ZNF138: variants seen among roughly 807,000 people sequenced by gnomAD.
ZNF138 encodes the protein zinc finger protein 138 (clone pHZ-32).
In ZNF138, 33 loss-of-function variants were observed where a neutral mutation model predicts 33.0. The observed-to-expected ratio is 1.00, with a 90% CI of 0.76 to 1.34. ZNF138 has a LOEUF of 1.34. ZNF138 is among the 40% of genes most tolerant of loss of function. The pLI is 0.00. For missense variants in ZNF138, 360 were observed against 370.8 expected, an observed-to-expected ratio of 0.97 and a Z score of 0.24; for synonymous variants, 139 against 120.4, an observed-to-expected ratio of 1.15 and a Z score of -1.01.
chr7:64,835,211 C>G (rs1276019926), downstream of ZNF138: 1 of 152,126 alleles, frequency 6.6e-6, no homozygotes, highest in Non-Finnish European at 1.5e-5. Context: ...TGATCGCCAT[C>G]TTGGAGTCTT....
At chr7:64,814,271 C>T (rs192955564) in intron 1 of ZNF138, 2 of 362,592 alleles carry the variant, frequency 5.5e-6, no homozygotes, top group Non-Finnish European at 4.2e-6. Context: ...TTTAACTCAA[C>T]GTGCCTTTTC....
At chr7:64,823,935 C>T (rs1284475694) in intron 3 of ZNF138, among the ~76,000 whole-genome samples, 1 of 152,016 alleles carries the variant, frequency 6.6e-6, no homozygotes, top group Non-Finnish European at 1.5e-5. Context: ...GAGACTCCAC[C>T]TCAAAAAAAT....
At chr7:64,836,569 G>A (rs1006145374), downstream of ZNF138, 3 of 152,270 alleles carry the variant, frequency 2.0e-5, no homozygotes, top group African/African-American at 7.2e-5. Flanking sequence ...CTAAGGGTCA[G>A]AGATTTGGAG....
At chr7:64,802,200 GT>G (rs201792773) in intron 1 of ZNF138, among the ~76,000 whole-genome samples, 2,186 of 152,304 alleles carry the variant, frequency 0.014, 54 homozygotes, top group African/African-American at 0.05. Flanking sequence ...TTGACAGTTG[GT>G]TGAGTATATC....
the ZNF138 span, chr7:64,853,347 G>A: frequency 2.6e-6 from 4 of 1,553,772 alleles, no homozygotes; most frequent in African/African-American, 4.1e-5. Flanking sequence ...GGACTCCCAT[G>A]TAGATATGGT....
chr7:64,799,739 G>A (rs1246220460), intron 1 of ZNF138, among the ~76,000 whole-genome samples: 1 of 152,014 alleles, frequency 6.6e-6, no homozygotes, highest in Non-Finnish European at 1.5e-5. Flanking sequence ...GACCTCCCGG[G>A]TTCAAACGAT....
chr7:64,818,694 G>A (rs140840866), intron 3 of ZNF138, among the ~76,000 whole-genome samples: 1,807 of 138,062 alleles, frequency 0.013, 41 homozygotes, highest in African/African-American at 0.043. Context: ...AGGTTGTGGT[G>A]AGCCGAGATC....
chr7:64,826,594 T>C (rs928626283), intron 3 of ZNF138, among the ~76,000 whole-genome samples: 1 of 151,972 alleles, frequency 6.6e-6, no homozygotes, highest in African/African-American at 2.4e-5. Flanking sequence ...ATTTTTTAAA[T>C]GTGTGTATTT....
At chr7:64,825,431 A>G (rs1044613373) in intron 3 of ZNF138, among the ~76,000 whole-genome samples, 1 of 151,684 alleles carries the variant, frequency 6.6e-6, no homozygotes, top group Non-Finnish European at 1.5e-5. Flanking sequence ...TTGGCCTCCC[A>G]AAGTGCTGGG....
At chr7:64,800,112 T>C (rs1406857167) in intron 1 of ZNF138, among the ~76,000 whole-genome samples, 1 of 152,170 alleles carries the variant, frequency 6.6e-6, no homozygotes, top group Non-Finnish European at 1.5e-5. Context: ...CTGTGGGTTC[T>C]CTAGATATAG....
At chr7:64,848,704 A>T in the ZNF138 span, among the ~76,000 whole-genome samples, 100 of 102,548 alleles carry the variant, frequency 9.8e-4, 1 homozygote, top group South Asian at 1.7e-3. Flanking sequence ...ATTTTGGTGG[A>T]TTTTTTTTTT....
At chr7:64,809,473 C>T (rs113991476) in intron 1 of ZNF138, among the ~76,000 whole-genome samples, 1 of 9,092 alleles carries the variant, frequency 1.1e-4, no homozygotes, top group African/African-American at 2.7e-4. Flanking sequence ...CCGGATGGGG[C>T]GGCTGGCCGG....
At chr7:64,814,854 T>G (rs1426911242) in intron 1 of ZNF138, 64 bp from the exon 2 acceptor site, 1 of 1,600,098 alleles carries the variant, frequency 6.2e-7, no homozygotes, top group African/African-American at 1.3e-5. Flanking sequence ...TGAGTCAAAT[T>G]TAAAATTCTG....
the ZNF138 span, among the ~76,000 whole-genome samples, chr7:64,847,660 A>G: frequency 6.6e-6 from 1 of 152,152 alleles, no homozygotes; most frequent in Non-Finnish European, 1.5e-5. Context: ...TGTCTGATAT[A>G]AAAATAGCTA....
At chr7:64,805,964 T>C (rs1042069671) in intron 1 of ZNF138, among the ~76,000 whole-genome samples, 5 of 152,252 alleles carry the variant, frequency 3.3e-5, no homozygotes, top group Admixed American at 3.3e-4. Context: ...CTTTCTGTCT[T>C]TGCAATCTCT....
the ZNF138 span, among the ~76,000 whole-genome samples, chr7:64,847,706 G>A: frequency 6.6e-6 from 1 of 151,798 alleles, no homozygotes; most frequent in Non-Finnish European, 1.5e-5. Context: ...TGCATGGAAT[G>A]TTTTTTTTCC....
chr7:64,823,527 GACATC>G (rs1789334688), intron 3 of ZNF138, among the ~76,000 whole-genome samples: 1 of 151,798 alleles, frequency 6.6e-6, no homozygotes, highest in Non-Finnish European at 1.5e-5. Flanking sequence ...GTAGGGACAA[GACATC>G]ACTATGTTGC....
At chr7:64,858,289 T>C in the ZNF138 span, among the ~76,000 whole-genome samples, 1 of 152,212 alleles carries the variant, frequency 6.6e-6, no homozygotes, top group Non-Finnish European at 1.5e-5. Context: ...TGAGTGGAAG[T>C]GATGTGTGGA....
chr7:64,830,123 A>G (rs1446843852), intron 3 of ZNF138, among the ~76,000 whole-genome samples: 1 of 152,208 alleles, frequency 6.6e-6, no homozygotes, highest in African/African-American at 2.4e-5. Context: ...TTCATGAAAA[A>G]TTAACTGGTT....
Sources: allele counts gnomAD v4.1 joint callset (sites outside exome capture counted in the v4.1 genomes callset), GRCh38; gene constraint gnomAD v4.1.1; transcripts MANE v1.5; gene names NCBI Gene and HGNC (gene_info 2026-07-23, HGNC 2026-07-21).